Variants in AMPH observed in about 807,000 individuals in gnomAD.
AMPH encodes amphiphysin (Stiff-Mann syndrome with breast cancer 128kD autoantigen).
AMPH carries 49 observed loss-of-function variants against 99.1 expected under a neutral mutation model. That is an observed-to-expected ratio of 0.49 (90% CI 0.39 to 0.63). The LOEUF is 0.63. Among genes scored for constraint, AMPH ranks in the 20% least tolerant of loss-of-function variants. The pLI, the probability that AMPH is intolerant of heterozygous loss-of-function variation, is 0.00. For missense variants in AMPH, 759 were observed against 863.4 expected, an observed-to-expected ratio of 0.88 and a Z score of 1.52; for synonymous variants, 314 against 317.3, an observed-to-expected ratio of 0.99 and a Z score of 0.11.
chr7:38,631,254 G>C (rs1261414716), intron 1 of AMPH, 29 bp downstream of exon 1: 21 of 1,505,814 alleles, frequency 1.4e-5, no homozygotes, highest in Non-Finnish European at 1.7e-5. Flanking sequence ...TGGCGTCCCC[G>C]GCCCCAGCCC....
At chr7:38,452,201 CA>C (rs1353108751) in intron 11 of AMPH, among the ~76,000 whole-genome samples, 1 of 152,134 alleles carries the variant, frequency 6.6e-6, no homozygotes, top group African/African-American at 2.4e-5. Flanking sequence ...TTTCTTCCCC[CA>C]TTAAGTGCAT....
At chr7:38,517,949 C>T (rs566074928) in intron 2 of AMPH, among the ~76,000 whole-genome samples, 30 of 152,292 alleles carry the variant, frequency 2.0e-4, no homozygotes, top group African/African-American at 5.3e-4. Context: ...ACAGTCTCAG[C>T]GCTCTAGAAG....
At chr7:38,394,412 C>A (rs1303330934) in intron 17 of AMPH, among the ~76,000 whole-genome samples, 198 bp from the exon 18 acceptor site, 1 of 152,208 alleles carries the variant, frequency 6.6e-6, no homozygotes, top group African/African-American at 2.4e-5. Context: ...GAGCTCCCAA[C>A]AATTCTACAC....
At chr7:38,417,981 A>G in intron 16 of AMPH, 31 bp from the exon 17 acceptor site, 1 of 1,605,624 alleles carries the variant, frequency 6.2e-7, no homozygotes. Context: ...GGTTAGAGGA[A>G]AAAGATTCAA....
chr7:38,458,940 T>C (rs985570049), intron 11 of AMPH, among the ~76,000 whole-genome samples: 3 of 152,132 alleles, frequency 2.0e-5, no homozygotes, highest in African/African-American at 7.2e-5. Context: ...TCCTCTTTGC[T>C]GATAGTATGA....
intron 7 of AMPH, among the ~76,000 whole-genome samples, chr7:38,470,244 A>C (rs1787830420): frequency 1.3e-5 from 2 of 152,076 alleles, no homozygotes; most frequent in Non-Finnish European, 2.9e-5. Flanking sequence ...TTGCCCTCTA[A>C]TTTCCCTATA....
chr7:38,389,582 C>A (rs6976922), intron 20 of AMPH, among the ~76,000 whole-genome samples: 12,879 of 152,200 alleles, frequency 0.085, 706 homozygotes, highest in Middle Eastern at 0.14. Flanking sequence ...TGATAAGAAA[C>A]AGTCAACTGT....
intron 2 of AMPH, among the ~76,000 whole-genome samples, chr7:38,524,983 T>C (rs936974520): frequency 1.3e-5 from 2 of 151,972 alleles, no homozygotes; most frequent in Non-Finnish European, 2.9e-5. Context: ...GGCAAGAATG[T>C]GAGTCTGTGG....
intron 1 of AMPH, among the ~76,000 whole-genome samples, chr7:38,612,997 C>T (rs1477977205): frequency 6.6e-6 from 1 of 152,118 alleles, no homozygotes; most frequent in Non-Finnish European, 1.5e-5. Flanking sequence ...TATGGAAATA[C>T]TACATACCGT....
At chr7:38,570,761 A>C (rs1304020905) in intron 1 of AMPH, among the ~76,000 whole-genome samples, 1 of 149,622 alleles carries the variant, frequency 6.7e-6, no homozygotes, top group Admixed American at 6.8e-5. Context: ...TGTACCTTCC[A>C]AAAGAAGGCA....
intron 17 of AMPH, among the ~76,000 whole-genome samples, chr7:38,411,465 T>C (rs1222151884): frequency 3.3e-5 from 5 of 152,172 alleles, no homozygotes; most frequent in Non-Finnish European, 7.4e-5. Flanking sequence ...GTCCAGCTCA[T>C]GTCTGTGGAG....
intron 20 of AMPH, 32 bp from the exon 21 acceptor site, chr7:38,384,957 A>G: frequency 6.3e-7 from 1 of 1,586,814 alleles, no homozygotes; most frequent in Non-Finnish European, 8.7e-7. Flanking sequence ...TTCAGGGTCC[A>G]GCAAACTACT....
At chr7:38,538,730 G>C (rs1006902644) in intron 1 of AMPH, among the ~76,000 whole-genome samples, 2 of 152,186 alleles carry the variant, frequency 1.3e-5, no homozygotes, top group Admixed American at 1.3e-4. Context: ...ATAATGCACA[G>C]TACATAATGG....
chr7:38,515,294 A>G (rs182875896), intron 2 of AMPH, among the ~76,000 whole-genome samples: 3 of 152,300 alleles, frequency 2.0e-5, no homozygotes, highest in Non-Finnish European at 4.4e-5. Flanking sequence ...ATAATCCCCA[A>G]TGTTGGAGGA....
At chr7:38,516,238 G>C (rs1238440014) in intron 2 of AMPH, among the ~76,000 whole-genome samples, 1 of 152,164 alleles carries the variant, frequency 6.6e-6, no homozygotes, top group African/African-American at 2.4e-5. Flanking sequence ...AGACCTTCTT[G>C]GCAGCGCCTT....
chr7:38,409,234 T>C (rs1367323952), intron 17 of AMPH, among the ~76,000 whole-genome samples: 1 of 152,228 alleles, frequency 6.6e-6, no homozygotes, highest in African/African-American at 2.4e-5. Flanking sequence ...TGCCTTTTCT[T>C]GCCCATCTCT....
At chr7:38,559,379 A>AGTG (rs1197547203) in intron 1 of AMPH, among the ~76,000 whole-genome samples, 1 of 152,238 alleles carries the variant, frequency 6.6e-6, no homozygotes, top group Non-Finnish European at 1.5e-5. Context: ...AACAACAGAC[A>AGTG]GTGGTTTCTA....
At chr7:38,437,719 G>GCTTGAAC (rs1469670514) in intron 11 of AMPH, among the ~76,000 whole-genome samples, 2 of 151,740 alleles carry the variant, frequency 1.3e-5, no homozygotes, top group African/African-American at 2.4e-5. Flanking sequence ...CAGGAGAATC[G>GCTTGAAC]CTTGAACCTG....
chr7:38,557,181 C>T (rs1363537761), intron 1 of AMPH, among the ~76,000 whole-genome samples: 1 of 152,180 alleles, frequency 6.6e-6, no homozygotes, highest in African/African-American at 2.4e-5. Flanking sequence ...GCGGGAATAG[C>T]TATATCCACT....
Sources: allele counts gnomAD v4.1 joint callset (sites outside exome capture counted in the v4.1 genomes callset), GRCh38; gene constraint gnomAD v4.1.1; transcripts MANE v1.5; gene names NCBI Gene and HGNC (gene_info 2026-07-23, HGNC 2026-07-21).